Variants in LOC128462377 observed in about 807,000 individuals in gnomAD.
chr16:89,399,449 A>C, the LOC128462377 span, among the ~76,000 whole-genome samples: 23 of 152,332 alleles, frequency 1.5e-4, no homozygotes, highest in Admixed American at 9.8e-4. Flanking sequence ...GACATCCAGG[A>C]AAGGGCAAAA....
At chr16:89,363,244 C>G in the LOC128462377 span, among the ~76,000 whole-genome samples, 1 of 152,058 alleles carries the variant, frequency 6.6e-6, no homozygotes, top group Non-Finnish European at 1.5e-5. Flanking sequence ...AAAATTTTTT[C>G]CTATACTCTG....
the LOC128462377 span, among the ~76,000 whole-genome samples, chr16:89,332,195 T>G: frequency 6.6e-6 from 1 of 152,260 alleles, no homozygotes; most frequent in Admixed American, 6.5e-5. Context: ...CAGAAATGAC[T>G]TCCTTACGTA....
the LOC128462377 span, among the ~76,000 whole-genome samples, chr16:89,327,791 T>C: frequency 2.0e-5 from 3 of 152,132 alleles, no homozygotes; most frequent in African/African-American, 7.2e-5. Flanking sequence ...TATACACATT[T>C]TAGGAAAAAA....
chr16:89,346,324 C>T, the LOC128462377 span, among the ~76,000 whole-genome samples: 2 of 151,708 alleles, frequency 1.3e-5, no homozygotes, highest in East Asian at 3.9e-4. Context: ...TATTAAAGTG[C>T]CTTTCAGTAA....
the LOC128462377 span, among the ~76,000 whole-genome samples, chr16:89,409,551 C>A: frequency 6.6e-5 from 10 of 152,294 alleles, no homozygotes; most frequent in East Asian, 1.9e-3. Context: ...CTGCGACTCA[C>A]GCCTGTAATC....
chr16:89,324,241 T>C, the LOC128462377 span: 1 of 1,206,870 alleles, frequency 8.3e-7, no homozygotes, highest in Non-Finnish European at 1.1e-6. Flanking sequence ...CTCAGACACA[T>C]GCTTGGTCAC....
the LOC128462377 span, among the ~76,000 whole-genome samples, chr16:89,341,338 A>G: frequency 6.6e-6 from 1 of 152,202 alleles, no homozygotes; most frequent in Non-Finnish European, 1.5e-5. Context: ...CAATCAAACC[A>G]AAAGGAAGCA....
chr16:89,387,268 T>A, the LOC128462377 span, among the ~76,000 whole-genome samples: 3 of 150,362 alleles, frequency 2.0e-5, no homozygotes, highest in Middle Eastern at 6.9e-3. Flanking sequence ...GAGGCCTGAA[T>A]GGTGGGAGTG....
chr16:89,359,194 G>A, the LOC128462377 span, among the ~76,000 whole-genome samples: 1 of 152,100 alleles, frequency 6.6e-6, no homozygotes, highest in African/African-American at 2.4e-5. Flanking sequence ...TCACGGAAAT[G>A]CGATCTGTCC....
At chr16:89,350,100 A>G in the LOC128462377 span, among the ~76,000 whole-genome samples, 8 of 152,324 alleles carry the variant, frequency 5.3e-5, no homozygotes, top group Admixed American at 4.6e-4. Flanking sequence ...TGAAAAGACA[A>G]GCAACATCAT....
the LOC128462377 span, among the ~76,000 whole-genome samples, chr16:89,333,967 T>A: frequency 6.6e-6 from 1 of 151,866 alleles, no homozygotes; most frequent in Non-Finnish European, 1.5e-5. Flanking sequence ...CCTAACTGGT[T>A]AAGAGCCCTC....
At chr16:89,393,334 G>A in the LOC128462377 span, among the ~76,000 whole-genome samples, 11 of 142,708 alleles carry the variant, frequency 7.7e-5, no homozygotes, top group African/African-American at 1.3e-4. Flanking sequence ...TTTTTGAGAC[G>A]GAGGCTTGCT....
At chr16:89,371,627 T>G in the LOC128462377 span, among the ~76,000 whole-genome samples, 1 of 152,200 alleles carries the variant, frequency 6.6e-6, no homozygotes, top group Admixed American at 6.5e-5. Context: ...CCTGCCCACA[T>G]GACGACACCC....
chr16:89,356,542 C>T, the LOC128462377 span, among the ~76,000 whole-genome samples: 1 of 150,322 alleles, frequency 6.7e-6, no homozygotes, highest in South Asian at 2.1e-4. Context: ...GAGGCCGAGG[C>T]GGGCGGATCA....
chr16:89,368,473 G>C, the LOC128462377 span, among the ~76,000 whole-genome samples: 2 of 142,354 alleles, frequency 1.4e-5, no homozygotes, highest in African/African-American at 5.2e-5. Context: ...CACCTGCCTC[G>C]GCCTCCGAAG....
the LOC128462377 span, among the ~76,000 whole-genome samples, chr16:89,364,327 C>G: frequency 2.0e-5 from 3 of 152,186 alleles, no homozygotes; most frequent in Admixed American, 6.5e-5. Flanking sequence ...CCAGGCAACA[C>G]AAGAATTAAG....
At chr16:89,373,916 CG>C in the LOC128462377 span, among the ~76,000 whole-genome samples, 3 of 152,326 alleles carry the variant, frequency 2.0e-5, no homozygotes, top group Middle Eastern at 0.01. Flanking sequence ...GCGGTCCACA[CG>C]GGACAGGGTC....
the LOC128462377 span, chr16:89,392,487 T>C: frequency 5.3e-5 from 8 of 152,126 alleles, no homozygotes; most frequent in Admixed American, 5.2e-4. Context: ...GTTTTGAAAA[T>C]GTCTCAATGG....
At chr16:89,340,347 G>A in the LOC128462377 span, among the ~76,000 whole-genome samples, 21 of 152,170 alleles carry the variant, frequency 1.4e-4, no homozygotes, top group Non-Finnish European at 2.8e-4. Context: ...GCACCATCTC[G>A]GCTCACTGCA....
Sources: gnomAD v4.1 joint callset for allele counts (sites outside exome capture counted in the v4.1 genomes callset) on GRCh38, gnomAD v4.1.1 for gene constraint, MANE v1.5 for transcripts.